Variants in GOLGA4 observed in about 807,000 individuals in gnomAD.
The protein encoded by GOLGA4 is golgin A4, also known as golgin subfamily A member 4.
A neutral mutation model predicts 265.9 loss-of-function variants in GOLGA4; 169 were observed. That is an observed-to-expected ratio of 0.64 (90% CI 0.56 to 0.72). GOLGA4 has a LOEUF of 0.72. Among genes scored for constraint, GOLGA4 ranks in the 30% least tolerant of loss-of-function variants. The pLI is 0.00. For missense variants in GOLGA4, 2,482 were observed against 2,483.4 expected (o/e 1.00, Z 0.01); for synonymous variants, 923 against 855.8 (o/e 1.08, Z -1.37).
At chr3:37,361,211 C>CTTATT in intron 22 of GOLGA4, 32 bp from the exon 23 acceptor site, 1 of 1,540,206 alleles carries the variant, frequency 6.5e-7, no homozygotes, top group South Asian at 1.1e-5. Flanking sequence ...TAAAACTAAC[C>CTTATT]CAATAAGCTT....
intron 22 of GOLGA4, among the ~76,000 whole-genome samples, chr3:37,357,941 T>C (rs2097094859): frequency 6.6e-6 from 1 of 152,238 alleles, no homozygotes; most frequent in Admixed American, 6.5e-5. Context: ...AATGGATCTT[T>C]TCTGTAAGTT....
intron 10 of GOLGA4, 80 bp downstream of exon 10, chr3:37,302,412 G>C (rs2096895561): frequency 8.3e-7 from 1 of 1,206,254 alleles, no homozygotes; most frequent in African/African-American, 1.6e-5. Flanking sequence ...TTAAAAATGA[G>C]TTAAATATTG....
intron 1 of GOLGA4, 116 bp downstream of exon 1, chr3:37,243,738 A>G (rs868802219): frequency 2.5e-6 from 2 of 815,548 alleles, no homozygotes; most frequent in Non-Finnish European, 3.9e-6. Flanking sequence ...CCTAACCCGC[A>G]CTTTTCCCAA....
At chr3:37,277,883 A>C (rs2096823716) in intron 2 of GOLGA4, among the ~76,000 whole-genome samples, 1 of 151,740 alleles carries the variant, frequency 6.6e-6, no homozygotes, top group African/African-American at 2.4e-5. Context: ...CATGCTTTGC[A>C]CTCTCCTTTG....
At chr3:37,302,074 T>TCACCATG in intron 9 of GOLGA4, 111 bp from the exon 10 acceptor site, 1 of 861,110 alleles carries the variant, frequency 1.2e-6, no homozygotes, top group East Asian at 2.7e-5. Context: ...TGGACATGAG[T>TCACCATG]CACCATGCAC....
rs201484265 is a variant in GOLGA4, at chr3:37,243,622, G to C, written c.72G>C (p.Gln24His). 3 of 1,610,090 alleles carry C rather than the reference G, an allele frequency of 1.9e-6. No individual in the cohort carries two copies. Among genetic ancestry groups the C allele is most frequent in the East Asian group, 2.2e-5 (1 of 44,856 alleles). Residue 24 changes from glutamine to histidine, a missense_variant and splice_region_variant, in exon 1 of 24, where the codon CAG becomes CAC. Physicochemically the swap from Gln to His is conservative, Grantham distance 24 (BLOSUM62 0). Around this residue, in one of 3 missense-constraint regions of GOLGA4, gnomAD observed 1,536 missense variants for 1,483.7 expected, o/e 1.04. Transcript: ENST00000361924. ...QQLQQALAPAQASSNSSTPTR... is the reference protein window; with the variant it reads ...QQLQQALAPAHASSNSSTPTR... ...TCCAGCAGGCGCTGGCTCCTGCTCA[G>C]GTACGATGGCCGCCGCTCTCCTCCC...
chr3:37,335,560 C>T (rs934419854), intron 17 of GOLGA4, among the ~76,000 whole-genome samples: 24 of 152,126 alleles, frequency 1.6e-4, no homozygotes, highest in African/African-American at 4.3e-4. Context: ...TAAAAATTCA[C>T]GTTAATTTTA....
At position 37,262,782 on chromosome 3, in the gene GOLGA4, T is replaced by G. The variant is rs146425907; in HGVS notation, c.162+11298T>G. ...ACAAAAACAAACAGACAAAAAATAC[T>G]GAGTAATCCTACCAAAACCACCGAG... On this transcript the variant is annotated intron_variant, in intron 2 of 23. Coordinates refer to ENST00000361924, the MANE Select transcript of GOLGA4 (RefSeq NM_002078.5). 3.4e-3 allele frequency among the ~76,000 whole-genome samples: 519 copies of G among 152,262 alleles called. 4 individuals are homozygous for G. Among genetic ancestry groups the G allele is most frequent in the African/African-American group, 0.012 (506 of 41,554 alleles).
At chr3:37,348,809 A>G (rs1254952433) in intron 21 of GOLGA4, among the ~76,000 whole-genome samples, 29 of 152,178 alleles carry the variant, frequency 1.9e-4, no homozygotes, top group Admixed American at 1.9e-3. Context: ...TTATGAATGT[A>G]TGTGAGATGA....
At position 37,286,059 on chromosome 3, in the gene GOLGA4, C is replaced by T. The variant is rs774728196; in HGVS notation, c.523C>T (p.Gln175Ter). The part of the protein sequence containing the change: ...QMLQREKKKL[Q>*]GILSQSQDKS... ...GCTTCAGAGAGAGAAGAAAAAGCTA[C>T]AAGTAAGTGATTTGTCAACTGCATT... Residue 175 changes from glutamine (Q) to a stop codon, truncating the protein, a stop_gained and splice_region_variant, in exon 4 of 24, where the codon CAA becomes TAA. Coordinates refer to ENST00000361924, the MANE Select transcript of GOLGA4 (RefSeq NM_002078.5). LOFTEE classifies it high-confidence loss of function. 1.3e-6 allele frequency: 2 copies of T among 1,486,962 alleles called. No individual in the cohort carries two copies. Among genetic ancestry groups the T allele is most frequent in the South Asian group, 1.2e-5 (1 of 86,730 alleles). 92.1% of individuals were successfully genotyped at this position (1,486,962 alleles called of 1,614,324 possible).
chr3:37,289,373 C>T, intron 5 of GOLGA4, 82 bp downstream of exon 5: 1 of 829,522 alleles, frequency 1.2e-6, no homozygotes. Context: ...AGGGTAGTTT[C>T]ATATGCATCT....
At position 37,264,657 on chromosome 3, in the gene GOLGA4, G is replaced by A. The variant is rs566612445; in HGVS notation, c.162+13173G>A. Among the ~76,000 whole-genome samples the A allele has an allele frequency of 2.3e-3, 355 of 152,012 alleles. 4 individuals carry two copies. Among genetic ancestry groups the A allele is most frequent in the South Asian group, 5.8e-3 (28 of 4,812 alleles). On this transcript the variant is annotated intron_variant, in intron 2 of 23. Coordinates refer to ENST00000361924, the MANE Select transcript of GOLGA4 (RefSeq NM_002078.5). ...TTTTTTTCAGATGTTATTATATATG[G>A]TATATGTAATTTATCACCATGTTAG...
At chr3:37,306,559 TA>T (rs796869129) in intron 10 of GOLGA4, among the ~76,000 whole-genome samples, 32 of 147,244 alleles carry the variant, frequency 2.2e-4, no homozygotes, top group African/African-American at 7.8e-4. Flanking sequence ...GGATAGGAGA[TA>T]GGGGTAGCTA....
Position 37,315,575 on chromosome 3 carries a change from CAGG to C in GOLGA4, c.1394_1396del (p.Glu465del). On this transcript the variant is annotated inframe_deletion, in exon 11 of 24. Coordinates refer to ENST00000361924, the MANE Select transcript of GOLGA4 (RefSeq NM_002078.5). ...TCAACAGGAATTAAGTCGGGTGAAA[CAGG>C]AGGTTGTTGATGTAATGAAAGTAAG... The C allele has an allele frequency of 3.7e-6, 6 of 1,613,554 alleles. No individual in the cohort carries two copies. Among genetic ancestry groups the C allele is most frequent in the South Asian group, 1.1e-5 (1 of 91,040 alleles).
chr3:37,275,014 C>T (rs1219495418), intron 2 of GOLGA4, among the ~76,000 whole-genome samples: 1 of 151,494 alleles, frequency 6.6e-6, no homozygotes, highest in Non-Finnish European at 1.5e-5. Context: ...GGGTTCGAGA[C>T]CAGCCTAACC....
chr3:37,316,825 G>A (rs189220557), intron 11 of GOLGA4, among the ~76,000 whole-genome samples: 3 of 150,720 alleles, frequency 2.0e-5, no homozygotes, highest in African/African-American at 4.9e-5. Context: ...CCTTATAGAT[G>A]GATTTATTAG....
At chr3:37,284,548 G>C (rs1578496045) in intron 3 of GOLGA4, among the ~76,000 whole-genome samples, 1 of 151,866 alleles carries the variant, frequency 6.6e-6, no homozygotes, top group Admixed American at 6.6e-5. Flanking sequence ...CACCACACCC[G>C]GCTGTGAACA....
Position 37,273,430 on chromosome 3 carries a change from A to C in GOLGA4, c.163-8528A>C, listed in dbSNP as rs1664467768. 15 of 640,722 alleles carry C rather than the reference A, an allele frequency of 2.3e-5. No homozygotes were observed. In the Middle Eastern group the frequency reaches 3.7e-3, roughly 158 times the overall value. The allele number at this position is 640,722 out of a possible 1,614,324, so 39.7% of individuals were successfully genotyped here. ...TGAACAATTACTAATTTTGTTTAATAGATAAATGTATCTGATAGGTCTTGG... is the reference window on the plus strand; with the variant it reads ...TGAACAATTACTAATTTTGTTTAATCGATAAATGTATCTGATAGGTCTTGG... On this transcript the variant is annotated intron_variant, in intron 2 of 23. Transcript: ENST00000361924.
chr3:37,272,150 A>G (rs918192700), intron 2 of GOLGA4, among the ~76,000 whole-genome samples: 1 of 152,194 alleles, frequency 6.6e-6, no homozygotes, highest in African/African-American at 2.4e-5. Context: ...AATAAATGTA[A>G]TGCATTTGAA....
Sources: allele counts gnomAD v4.1 joint callset (sites outside exome capture counted in the v4.1 genomes callset), GRCh38; gene constraint gnomAD v4.1.1; regional missense constraint gnomAD v4.1.1; transcripts MANE v1.5; gene names NCBI Gene and HGNC (gene_info 2026-07-23, HGNC 2026-07-21).